The following DNAJC13 variants were observed in gnomAD, a reference collection of about 807,000 sequenced individuals.
The protein encoded by DNAJC13 is dnaJ homolog subfamily C member 13.
A neutral mutation model predicts 290.5 loss-of-function variants in DNAJC13; 75 were observed. The ratio of observed to expected loss-of-function variants is 0.26; its 90% CI spans 0.21 to 0.31. DNAJC13 has a LOEUF of 0.31. DNAJC13 is among the 10% of genes least tolerant of loss of function. DNAJC13 has a pLI of 1.00. For synonymous variants in DNAJC13, 862 were observed against 892.0 expected (o/e 0.97, Z 0.60); for missense variants, 2,260 against 2,674.5 (o/e 0.85, Z 3.42).
chr3:132,510,217 G>T (rs1403518134), intron 43 of DNAJC13, among the ~76,000 whole-genome samples: 1 of 152,064 alleles, frequency 6.6e-6, no homozygotes, highest in Non-Finnish European at 1.5e-5. Flanking sequence ...CAGACACAAG[G>T]CTTCCTCTGG....
At chr3:132,492,070 C>T (rs16839309) in intron 32 of DNAJC13, among the ~76,000 whole-genome samples, 1 of 151,994 alleles carries the variant, frequency 6.6e-6, no homozygotes, top group Non-Finnish European at 1.5e-5. Context: ...TACCATCTAG[C>T]GAGCTTCTTT....
intron 48 of DNAJC13, among the ~76,000 whole-genome samples, 163 bp from the exon 49 acceptor site, chr3:132,522,665 C>T (rs1375883791): frequency 1.3e-5 from 2 of 152,128 alleles, no homozygotes; most frequent in Non-Finnish European, 2.9e-5. Flanking sequence ...TTTGCATAAA[C>T]CGAGGATTAT....
chr3:132,533,900 C>A (rs1357990188), intron 55 of DNAJC13, among the ~76,000 whole-genome samples: 1 of 152,174 alleles, frequency 6.6e-6, no homozygotes, highest in African/African-American at 2.4e-5. Flanking sequence ...TTGGTCCTCA[C>A]CCCCATCCAC....
intron 55 of DNAJC13, among the ~76,000 whole-genome samples, 180 bp from the exon 56 acceptor site, chr3:132,537,996 G>A (rs1936648252): frequency 1.3e-5 from 2 of 152,190 alleles, no homozygotes; most frequent in Admixed American, 6.5e-5. Context: ...TATAGTGTAG[G>A]CAAACATGAA....
At chr3:132,536,594 T>C (rs1330082599) in intron 55 of DNAJC13, among the ~76,000 whole-genome samples, 1 of 151,936 alleles carries the variant, frequency 6.6e-6, no homozygotes, top group Non-Finnish European at 1.5e-5. Flanking sequence ...CAGTCTGGAG[T>C]GTTTGAGGTC....
chr3:132,456,437 C>A, intron 10 of DNAJC13, 36 bp downstream of exon 10: 1 of 1,609,702 alleles, frequency 6.2e-7, no homozygotes, highest in South Asian at 1.1e-5. Context: ...CATTTCCACT[C>A]ATCTACTTAA....
At chr3:132,484,502 C>A in intron 28 of DNAJC13, 86 bp from the exon 29 acceptor site, 1 of 1,236,340 alleles carries the variant, frequency 8.1e-7, no homozygotes. Flanking sequence ...AGGTAACCTG[C>A]TTCATGCCTA....
At chr3:132,502,609 T>A in intron 40 of DNAJC13, 141 bp downstream of exon 40, 2 of 708,010 alleles carry the variant, frequency 2.8e-6, no homozygotes, top group Non-Finnish European at 4.2e-6. Context: ...TTTTTAAACC[T>A]AATCACTTAC....
intron 1 of DNAJC13, among the ~76,000 whole-genome samples, chr3:132,423,464 G>A (rs2107638981): frequency 6.6e-6 from 1 of 152,140 alleles, no homozygotes; most frequent in Non-Finnish European, 1.5e-5. Context: ...AAGGCTATGG[G>A]GTTTCTCTCC....
rs998969715 is a variant in DNAJC13, at chr3:132,483,684, A to C, written c.3182+107A>C. On this transcript the variant is annotated intron_variant, in intron 28 of 55. Transcript: ENST00000260818. ...AAAGATGTCCTATTTATGGCCTTGG[A>C]GGAATGCTGTTTTGACCTTTGGAAT... 50 of 1,134,814 alleles carry C rather than the reference A, an allele frequency of 4.4e-5. No homozygotes were observed. The Admixed American group carries it at 7.3e-4, about 17-fold the overall frequency. 70.3% of individuals were successfully genotyped at this position (1,134,814 alleles called of 1,614,324 possible). A position where few individuals can be genotyped will look rare whatever the true frequency, so the allele number is the denominator to read the frequency against.
At chr3:132,538,065 T>A (rs1351762830) in intron 55 of DNAJC13, 111 bp from the exon 56 acceptor site, 8 of 713,572 alleles carry the variant, frequency 1.1e-5, no homozygotes, top group South Asian at 7.2e-5. Context: ...TTGAAATAGA[T>A]GATTAGTTTT....
intron 1 of DNAJC13, among the ~76,000 whole-genome samples, chr3:132,431,953 C>T (rs927985377): frequency 3.3e-5 from 5 of 152,084 alleles, no homozygotes; most frequent in Middle Eastern, 6.8e-3. Flanking sequence ...TTGCAGAACT[C>T]TAAATACACT....
intron 54 of DNAJC13, among the ~76,000 whole-genome samples, chr3:132,530,615 G>A (rs138352379): frequency 6.6e-6 from 1 of 152,228 alleles, no homozygotes; most frequent in East Asian, 1.9e-4. Flanking sequence ...AGCTCAATTT[G>A]GCTGTACCTT....
chr3:132,534,258 C>T (rs190836024), intron 55 of DNAJC13, among the ~76,000 whole-genome samples: 39 of 152,246 alleles, frequency 2.6e-4, no homozygotes, highest in Admixed American at 9.8e-4. Context: ...GCATTGTTGA[C>T]CCCAGAATTG....
At chr3:132,454,626 C>G (rs1933533006) in intron 9 of DNAJC13, among the ~76,000 whole-genome samples, 1 of 152,016 alleles carries the variant, frequency 6.6e-6, no homozygotes, top group Non-Finnish European at 1.5e-5. Context: ...AGGCATGAGC[C>G]ACCACACCTG....
intron 19 of DNAJC13, 129 bp downstream of exon 19, chr3:132,466,523 T>C: frequency 4.9e-6 from 3 of 615,860 alleles, no homozygotes; most frequent in South Asian, 5.2e-5. Context: ...TACTTAACTA[T>C]TGATATCTTT....
At chr3:132,505,190 T>C in intron 41 of DNAJC13, 112 bp from the exon 42 acceptor site, 1 of 654,550 alleles carries the variant, frequency 1.5e-6, no homozygotes, top group Non-Finnish European at 2.7e-6. Flanking sequence ...TGAGGTCCAT[T>C]ATACTATAGG....
At chr3:132,512,949 T>G in intron 44 of DNAJC13, 59 bp from the exon 45 acceptor site, 1 of 1,416,470 alleles carries the variant, frequency 7.1e-7, no homozygotes, top group Non-Finnish European at 1.0e-6. Context: ...ATCGGTTTTC[T>G]GAAGTTAAAT....
At chr3:132,427,094 TGTGTGTGTGCAC>T (rs1358768131) in intron 1 of DNAJC13, among the ~76,000 whole-genome samples, 2 of 149,106 alleles carry the variant, frequency 1.3e-5, no homozygotes, top group Non-Finnish European at 3.0e-5. Flanking sequence ...TGTGTGTGTG[TGTGTGTGTGCAC>T]GTGTGTGTGT....
Sources: gnomAD v4.1 joint callset for allele counts (sites outside exome capture counted in the v4.1 genomes callset) on GRCh38, gnomAD v4.1.1 for gene constraint, MANE v1.5 for transcripts, NCBI Gene and HGNC (gene_info 2026-07-23, HGNC 2026-07-21) for gene names.